ACYP2: variants seen among roughly 807,000 people sequenced by gnomAD.
ACYP2 encodes acylphosphatase-2.
ACYP2 carries 12 observed loss-of-function variants against 11.2 expected under a neutral mutation model. The ratio of observed to expected loss-of-function variants is 1.08; its 90% CI spans 0.69 to 1.74. ACYP2 has a LOEUF of 1.74. Ranked by LOEUF, ACYP2 falls within the 40% of genes most tolerant of loss-of-function variation. ACYP2 has a pLI of 0.00. For missense variants in ACYP2, 134 were observed against 101.9 expected (o/e 1.31, Z -1.35); for synonymous variants, 43 against 32.2 (o/e 1.33, Z -1.13).
chr2:54,197,648 A>G (rs768453384), intron 6 of ACYP2, among the ~76,000 whole-genome samples: 16 of 152,104 alleles, frequency 1.1e-4, no homozygotes, highest in Non-Finnish European at 1.3e-4. Flanking sequence ...ACAAAGATCT[A>G]GGGTAAAGGC....
At chr2:54,091,794 C>T (rs1452387534) in intron 4 of ACYP2, among the ~76,000 whole-genome samples, 2 of 152,034 alleles carry the variant, frequency 1.3e-5, no homozygotes, top group Non-Finnish European at 1.5e-5. Context: ...TTACAAGCGT[C>T]AGCCACTAAC....
chr2:54,027,518 T>C (rs1218396193), intron 2 of ACYP2, among the ~76,000 whole-genome samples: 7 of 152,324 alleles, frequency 4.6e-5, no homozygotes, highest in African/African-American at 1.7e-4. Flanking sequence ...ATACACAGTT[T>C]TTCTGGGTCT....
intron 6 of ACYP2, among the ~76,000 whole-genome samples, chr2:54,179,085 G>T (rs1001075135): frequency 6.6e-6 from 1 of 152,064 alleles, no homozygotes; most frequent in African/African-American, 2.4e-5. Context: ...CAAAGGGTGA[G>T]GGAGCTCTCT....
intron 6 of ACYP2, among the ~76,000 whole-genome samples, chr2:54,258,142 AC>A (rs1259992341): frequency 2.0e-5 from 3 of 152,236 alleles, no homozygotes; most frequent in African/African-American, 4.8e-5. Context: ...AAAGATAATA[AC>A]AAGAAACCAA....
chr2:53,971,125 T>A lies in ACYP2; in HGVS notation c.-233T>A. 7 of 215,932 alleles carry A rather than the reference T, an allele frequency of 3.2e-5. No homozygotes were observed. The highest frequency in any genetic ancestry group is 1.2e-4 in the Admixed American group (2 of 16,820). The allele number at this position is 215,932 out of a possible 1,614,324, so 13.4% of individuals were successfully genotyped here. A position where few individuals can be genotyped will look rare whatever the true frequency, so the allele number is the denominator to read the frequency against. ...CGGGGGAGGCGGTGGTGGCGGCAGC[T>A]GGAGCCCAACGGGCTGCGCCTTCTT... On this transcript the variant is annotated 5_prime_UTR_variant, in exon 1 of 7. Coordinates refer to ENST00000607452, the MANE Select transcript of ACYP2 (RefSeq NM_001320586.2).
intron 4 of ACYP2, among the ~76,000 whole-genome samples, chr2:54,132,172 A>G (rs1032683262): frequency 7.2e-6 from 1 of 139,856 alleles, no homozygotes; most frequent in African/African-American, 2.8e-5. Flanking sequence ...CTTATGATAA[A>G]AAGACGCACA....
intron 2 of ACYP2, among the ~76,000 whole-genome samples, chr2:53,980,879 A>G (rs936043299): frequency 5.3e-5 from 8 of 151,972 alleles, no homozygotes; most frequent in Non-Finnish European, 1.2e-4. Flanking sequence ...CAGCCTCCCG[A>G]GTAGCTGTGA....
At chr2:54,238,167 T>C (rs1459369150) in intron 6 of ACYP2, among the ~76,000 whole-genome samples, 2 of 152,244 alleles carry the variant, frequency 1.3e-5, no homozygotes, top group Non-Finnish European at 2.9e-5. Flanking sequence ...CTCTCCCATA[T>C]TGTTCTCTAA....
intron 2 of ACYP2, among the ~76,000 whole-genome samples, chr2:54,012,852 T>G (rs1051535833): frequency 3.9e-5 from 6 of 152,074 alleles, no homozygotes; most frequent in African/African-American, 1.4e-4. Context: ...TCCCATCTCG[T>G]TCAGAGTGAA....
chr2:54,022,983 T>G (rs979504675), intron 2 of ACYP2, among the ~76,000 whole-genome samples: 40 of 152,372 alleles, frequency 2.6e-4, no homozygotes, highest in African/African-American at 9.1e-4. Flanking sequence ...GCTCTGGTTT[T>G]CCTTATTAAG....
intron 4 of ACYP2, among the ~76,000 whole-genome samples, chr2:54,085,423 A>C (rs1370190721): frequency 6.6e-6 from 1 of 152,192 alleles, no homozygotes; most frequent in Non-Finnish European, 1.5e-5. Context: ...GTAAGGGGGC[A>C]AATCATTATC....
chr2:54,201,596 CTTT>C (rs1684777106), intron 6 of ACYP2, among the ~76,000 whole-genome samples: 2 of 72,152 alleles, frequency 2.8e-5, no homozygotes, highest in African/African-American at 5.1e-5. Context: ...CTTTCTTTCT[CTTT>C]CTTTCTTTCT....
chr2:54,201,523 T>G (rs1242375577), intron 6 of ACYP2, among the ~76,000 whole-genome samples: 1 of 152,140 alleles, frequency 6.6e-6, no homozygotes, highest in Non-Finnish European at 1.5e-5. Context: ...GTTTTTTCAC[T>G]TTCTTGGTCT....
At position 54,201,638 on chromosome 2, in the gene ACYP2, C is replaced by CTTTCTTTCT. The variant is rs1309834149; in HGVS notation, c.404+62893_404+62901dup. Among the ~76,000 whole-genome samples the CTTTCTTTCT allele has an allele frequency of 4.3e-4, 26 of 59,776 alleles. 1 individual carries two copies. The highest frequency in any genetic ancestry group is 3.8e-3 in the Admixed American group (24 of 6,354). 39.2% of individuals were successfully genotyped at this position (59,776 alleles called of 152,430 possible). ...TTTCTTTCTTTGTTTCTTTCTTTCT[C>CTTTCTTTCT]TTTCTTTCTTTCTTTCTTTCTTTCT... On this transcript the variant is annotated intron_variant, in intron 6 of 6. Transcript: ENST00000607452.
intron 6 of ACYP2, among the ~76,000 whole-genome samples, chr2:54,176,717 T>C (rs1266707321): frequency 6.6e-6 from 1 of 152,162 alleles, no homozygotes; most frequent in Admixed American, 6.5e-5. Context: ...AGTTGCTCAG[T>C]GCCTGGAGTG....
At chr2:54,151,111 A>C (rs1682148539) in intron 6 of ACYP2, among the ~76,000 whole-genome samples, 1 of 151,550 alleles carries the variant, frequency 6.6e-6, no homozygotes, top group Admixed American at 6.6e-5. Context: ...CAAGAGTTAG[A>C]ATTAGAATAG....
At position 54,138,637 on chromosome 2, in the gene ACYP2, A is replaced by T. The variant is rs201143858; in HGVS notation, c.295-2A>T. 5.0e-6 allele frequency: 8 copies of T among 1,609,704 alleles called. No individual in the cohort carries two copies. Among genetic ancestry groups the T allele is most frequent in the East Asian group, 4.5e-5 (2 of 44,850 alleles). On this transcript the variant is annotated splice_acceptor_variant, in intron 5 of 6. Transcript: ENST00000607452. LOFTEE classifies it high-confidence loss of function. ...TATTCTTCTTGTTTTTTCCTGAAAC[A>T]GTATACAGAAGATGAAGCTAGGAAA... is the stretch of plus-strand genomic sequence containing the variant.
At chr2:54,093,976 C>T (rs900313006) in intron 4 of ACYP2, among the ~76,000 whole-genome samples, 1 of 150,304 alleles carries the variant, frequency 6.7e-6, no homozygotes, top group Admixed American at 6.6e-5. Context: ...CAAACAAACC[C>T]ACTCAGTATC....
intron 2 of ACYP2, among the ~76,000 whole-genome samples, chr2:54,042,589 T>C (rs957697867): frequency 1.3e-5 from 2 of 152,228 alleles, no homozygotes; most frequent in Non-Finnish European, 2.9e-5. Flanking sequence ...ACAACTTTTT[T>C]TTATTTTTCT....
Sources: gnomAD v4.1 joint callset for allele counts (sites outside exome capture counted in the v4.1 genomes callset) on GRCh38, gnomAD v4.1.1 for gene constraint, MANE v1.5 for transcripts, NCBI Gene and HGNC (gene_info 2026-07-23, HGNC 2026-07-21) for gene names.